The following ITPR2 variants were observed in gnomAD, a reference collection of about 807,000 sequenced individuals.
ITPR2 encodes the protein inositol 1,4,5-trisphosphate receptor type 2, also known as inositol 1,4,5-trisphosphate-gated calcium channel ITPR2.
In ITPR2, 207 loss-of-function variants were observed where a neutral mutation model predicts 317.1. That is an observed-to-expected ratio of 0.65 (90% CI 0.58 to 0.73). ITPR2 has a LOEUF of 0.73. ITPR2 is among the 30% of genes least tolerant of loss of function. ITPR2 has a pLI of 0.00. For missense variants in ITPR2, 2,613 were observed against 3,284.0 expected (o/e 0.80, Z 4.99); for synonymous variants, 1,156 against 1,149.1 (o/e 1.01, Z -0.12).
intron 48 of ITPR2, among the ~76,000 whole-genome samples, chr12:26,435,368 AG>A (rs1941326543): frequency 6.6e-6 from 1 of 152,040 alleles, no homozygotes; most frequent in Admixed American, 6.5e-5. Flanking sequence ...CTTTACCTAT[AG>A]TATCTCATTA....
chr12:26,817,105 C>A (rs1159663450), intron 1 of ITPR2, among the ~76,000 whole-genome samples: 2 of 139,868 alleles, frequency 1.4e-5, no homozygotes, highest in African/African-American at 5.5e-5. Flanking sequence ...CACTTGAACC[C>A]GGGAGGCAGA....
intron 49 of ITPR2, among the ~76,000 whole-genome samples, chr12:26,421,942 A>T (rs1432321165): frequency 6.6e-6 from 1 of 152,094 alleles, no homozygotes; most frequent in Non-Finnish European, 1.5e-5. Flanking sequence ...GACAGTCTTT[A>T]AAAAATGATA....
At chr12:26,743,853 T>C (rs1275119674) in intron 2 of ITPR2, among the ~76,000 whole-genome samples, 2 of 152,186 alleles carry the variant, frequency 1.3e-5, no homozygotes, top group Admixed American at 1.3e-4. Flanking sequence ...ATTGTGCCAT[T>C]GCACTCCAGC....
At chr12:26,608,758 T>G (rs1420608639) in intron 26 of ITPR2, among the ~76,000 whole-genome samples, 1 of 149,908 alleles carries the variant, frequency 6.7e-6, no homozygotes, top group Non-Finnish European at 1.5e-5. Flanking sequence ...CAAGTTTGCA[T>G]TTTTGACACT....
intron 55 of ITPR2, among the ~76,000 whole-genome samples, chr12:26,365,394 C>G (rs537505909): frequency 1.8e-4 from 27 of 151,964 alleles, no homozygotes; most frequent in African/African-American, 5.5e-4. Context: ...TTTCTTTTTC[C>G]TGAAACTGTA....
chr12:26,666,038 A>C lies in ITPR2; in HGVS notation c.1423T>G (p.Leu475Val). 1 of 1,610,000 alleles carries C rather than the reference A, an allele frequency of 6.2e-7. No individual in the cohort carries two copies. Among genetic ancestry groups the C allele is most frequent in the Non-Finnish European group, 8.5e-7 (1 of 1,178,872 alleles). Residue 475 changes from leucine to valine, a missense_variant, in exon 14 of 57, where the codon TTA becomes GTA. Leu to Val is a conservative substitution (Grantham distance 32, BLOSUM62 1). This residue lies in a region of ITPR2 where 515 missense variants were observed against 789.4 expected (regional missense o/e 0.65). Transcript: ENST00000381340. ...TQNERRFVTK[L>V]LEDLIFFVAD... ...ACAAAGAATATGAGATCTTCCAATA[A>C]TTTGGTTACAAACCTATTACAAAAT...
At chr12:26,691,871 T>A (rs944612908) in intron 10 of ITPR2, among the ~76,000 whole-genome samples, 13 of 151,926 alleles carry the variant, frequency 8.6e-5, no homozygotes, top group Admixed American at 8.5e-4. Flanking sequence ...TTTGTTCACA[T>A]CCTCCAGGGC....
intron 32 of ITPR2, among the ~76,000 whole-genome samples, chr12:26,591,684 G>T (rs1488640619): frequency 6.6e-6 from 1 of 151,070 alleles, no homozygotes; most frequent in African/African-American, 2.4e-5. Context: ...AAAAAAATAC[G>T]AAAATTAGCC....
At position 26,611,965 on chromosome 12, in the gene ITPR2, C is replaced by T. The variant is rs553364847; in HGVS notation, c.3462+9158G>A. On this transcript the variant is annotated intron_variant, in intron 26 of 56. Transcript: ENST00000381340. ...TGGTACAGTCTTTTAATGCTGGGGACGATAGGTTTAATAAAGGGAAACACT... is the reference window on the plus strand; with the variant it reads ...TGGTACAGTCTTTTAATGCTGGGGATGATAGGTTTAATAAAGGGAAACACT... 1.6e-4 allele frequency among the ~76,000 whole-genome samples: 25 copies of T among 152,110 alleles called. No individual in the cohort carries two copies. In the South Asian group the frequency reaches 4.6e-3, roughly 28 times the overall value.
At chr12:26,459,127 T>C (rs1054650187) in intron 45 of ITPR2, among the ~76,000 whole-genome samples, 2 of 152,142 alleles carry the variant, frequency 1.3e-5, no homozygotes, top group African/African-American at 4.8e-5. Flanking sequence ...CACATACAAA[T>C]ATGAGGAGCC....
At chr12:26,416,168 G>T (rs1940714176) in intron 50 of ITPR2, among the ~76,000 whole-genome samples, 1 of 152,074 alleles carries the variant, frequency 6.6e-6, no homozygotes, top group African/African-American at 2.4e-5. Context: ...TATGTACATT[G>T]CTAATTGATT....
chr12:26,506,520 C>CAAAAAAAAAAAAAAAAAAAAAA (rs11362827), intron 37 of ITPR2, among the ~76,000 whole-genome samples: 1 of 87,532 alleles, frequency 1.1e-5, no homozygotes, highest in African/African-American at 4.4e-5. Context: ...AATCCTGTCT[C>CAAAAAAAAAAAAAAAAAAAAAA]AAAAAAAAAA....
In ITPR2 at chr12:26,556,772, T is replaced by TA. The variant is rs762624049; in HGVS notation, c.4822-398dup. 2.3e-3 allele frequency among the ~76,000 whole-genome samples: 222 copies of TA among 94,648 alleles called. 2 individuals are homozygous for TA. The highest frequency in any genetic ancestry group is 3.4e-3 in the East Asian group (15 of 4,382). The allele number at this position is 94,648 out of a possible 152,430, so 62.1% of individuals were successfully genotyped here. On this transcript the variant is annotated intron_variant, in intron 35 of 56. Transcript: ENST00000381340. The stretch of plus-strand genomic sequence containing the variant: ...TTAGGGGAATACCCAGGGAACAGCT[T>TA]AAAAAAAAAAAAAAAAAAAATTCCA...
rs1565527462 is a variant in ITPR2 at position 26,439,222 on chromosome 12, G to T, written c.6548C>A (p.Thr2183Lys). The T allele has an allele frequency of 6.2e-7, 1 of 1,612,804 alleles. No individual in the cohort carries two copies. Among genetic ancestry groups the T allele is most frequent in the Admixed American group, 1.7e-5 (1 of 59,936 alleles). ...TRESKCRVFN[T>K]TERDEQGSKV... Reference sequence around the variant, plus strand: ...ACTTCCTTGTTCATCCCTTTCAGTTGTATTGAACACACGGCACTTGGATTC... The same window carrying T: ...ACTTCCTTGTTCATCCCTTTCAGTTTTATTGAACACACGGCACTTGGATTC... The change falls in exon 47 of 57, where the codon ACA becomes AAA. Residue 2183 changes from threonine (T) to lysine (K), a missense_variant. Transcript: ENST00000381340.
intron 2 of ITPR2, among the ~76,000 whole-genome samples, chr12:26,728,188 C>A (rs374669940): frequency 1.3e-4 from 20 of 152,144 alleles, no homozygotes; most frequent in African/African-American, 4.1e-4. Flanking sequence ...CCCCGAAACC[C>A]GCTGCTGTTG....
intron 37 of ITPR2, among the ~76,000 whole-genome samples, chr12:26,503,190 A>AACACACACACACAC (rs57271500): frequency 0.063 from 8,740 of 139,094 alleles, 349 homozygotes; most frequent in Middle Eastern, 0.12. Flanking sequence ...GCCCCCCACC[A>AACACACACACACAC]ACACACACAC....
chr12:26,803,683 C>A (rs925001938), intron 1 of ITPR2, among the ~76,000 whole-genome samples: 2 of 152,202 alleles, frequency 1.3e-5, no homozygotes, highest in African/African-American at 4.8e-5. Flanking sequence ...CACTACAATG[C>A]AGTCAGTGAT....
At chr12:26,378,090 C>T (rs1409898216) in intron 55 of ITPR2, among the ~76,000 whole-genome samples, 1 of 151,944 alleles carries the variant, frequency 6.6e-6, no homozygotes, top group Non-Finnish European at 1.5e-5. Flanking sequence ...AATTTAGGTG[C>T]TGGGAATACA....
chr12:26,620,036 C>T (rs1005200889), intron 26 of ITPR2, among the ~76,000 whole-genome samples: 3 of 152,316 alleles, frequency 2.0e-5, no homozygotes, highest in African/African-American at 7.2e-5. Context: ...CTATGATGCA[C>T]TTTATTACCT....
Sources: gnomAD v4.1 joint callset for allele counts (sites outside exome capture counted in the v4.1 genomes callset) on GRCh38, gnomAD v4.1.1 for gene constraint, gnomAD v4.1.1 regional missense constraint, MANE v1.5 for transcripts, NCBI Gene and HGNC (gene_info 2026-07-23, HGNC 2026-07-21) for gene names.